The following TIAM1 variants were observed in gnomAD, a reference collection of about 807,000 sequenced individuals.
The protein encoded by TIAM1 is rho guanine nucleotide exchange factor TIAM1.
A neutral mutation model predicts 163.5 loss-of-function variants in TIAM1; 65 were observed. That is an observed-to-expected ratio of 0.40 (90% CI 0.33 to 0.49). TIAM1 has a LOEUF of 0.49. TIAM1 is among the 20% of genes least tolerant of loss of function. The pLI is 0.77. For synonymous variants in TIAM1, 833 were observed against 810.1 expected (o/e 1.03, Z -0.48); for missense variants, 1,789 against 2,044.7 (o/e 0.87, Z 2.41).
chr21:31,306,504 G>A (rs1299965290), intron 2 of TIAM1, among the ~76,000 whole-genome samples: 1 of 152,148 alleles, frequency 6.6e-6, no homozygotes, highest in East Asian at 1.9e-4. Flanking sequence ...TGGCAATGCT[G>A]TCTTAACCAA....
At chr21:31,508,151 C>G (rs1293461402) in intron 1 of TIAM1, among the ~76,000 whole-genome samples, 3 of 152,110 alleles carry the variant, frequency 2.0e-5, no homozygotes, top group African/African-American at 7.2e-5. Flanking sequence ...TTCCTTAGAG[C>G]CTTCAGAGTG....
intron 2 of TIAM1, among the ~76,000 whole-genome samples, chr21:31,433,393 G>T (rs1270895732): frequency 1.3e-5 from 2 of 152,218 alleles, no homozygotes; most frequent in Admixed American, 1.3e-4. Flanking sequence ...AAACTGGGTA[G>T]AAGGAGAATG....
intron 1 of TIAM1, among the ~76,000 whole-genome samples, chr21:31,496,863 G>T (rs11702305): frequency 0.26 from 40,069 of 152,048 alleles, 5,571 homozygotes; most frequent in Admixed American, 0.33. Context: ...GGACTGGGGT[G>T]GGGGGTCGGG....
chr21:31,511,067 T>C (rs1054853948), intron 1 of TIAM1, among the ~76,000 whole-genome samples: 2 of 152,166 alleles, frequency 1.3e-5, no homozygotes, highest in African/African-American at 2.4e-5. Flanking sequence ...GGAAGCACCA[T>C]AAGTTAGGAA....
intron 2 of TIAM1, among the ~76,000 whole-genome samples, chr21:31,430,225 A>AATATATATATAT (rs35708801): frequency 4.4e-5 from 4 of 90,280 alleles, no homozygotes; most frequent in African/African-American, 2.3e-4. Context: ...AAAAAAAAAA[A>AATATATATATAT]ATATATATAT....
At chr21:31,346,019 A>G (rs748952481), upstream of TIAM1, among the ~76,000 whole-genome samples, 8 of 152,028 alleles carry the variant, frequency 5.3e-5, no homozygotes, top group Non-Finnish European at 1.2e-4. Flanking sequence ...CCTTAGTTGG[A>G]GGTGAATTTG....
chr21:31,210,748 G>GAGAAAGAAAGAAAAAGAA (rs1418541174), intron 10 of TIAM1, among the ~76,000 whole-genome samples: 1 of 59,770 alleles, frequency 1.7e-5, no homozygotes, highest in Non-Finnish European at 2.8e-5. Flanking sequence ...GGAAGGAAGG[G>GAGAAAGAAAGAAAAAGAA]AGAAAGAAAG....
intron 16 of TIAM1, chr21:31,160,862 T>A (rs2083881323): frequency 4.9e-6 from 1 of 202,880 alleles, no homozygotes; most frequent in African/African-American, 2.3e-5. Context: ...GAGCTGAAAC[T>A]GGCAAGAAAA....
intron 4 of TIAM1, among the ~76,000 whole-genome samples, chr21:31,265,800 T>C (rs2072726388): frequency 6.6e-6 from 1 of 151,854 alleles, no homozygotes; most frequent in Admixed American, 6.6e-5. Flanking sequence ...CCCACACACT[T>C]CCCTTAATCC....
chr21:31,364,559 T>C (rs1360615808), intron 2 of TIAM1, among the ~76,000 whole-genome samples: 1 of 152,058 alleles, frequency 6.6e-6, no homozygotes, highest in Non-Finnish European at 1.5e-5. Context: ...CAGCCACAGA[T>C]GGAGAGGAAA....
chr21:31,433,423 T>C (rs1478259202), intron 2 of TIAM1, among the ~76,000 whole-genome samples: 4 of 152,224 alleles, frequency 2.6e-5, no homozygotes. Flanking sequence ...ACATCAGTTA[T>C]GCCATTTGCA....
chr21:31,136,616 T>C (rs2082631908), intron 22 of TIAM1, among the ~76,000 whole-genome samples: 1 of 152,218 alleles, frequency 6.6e-6, no homozygotes, highest in Non-Finnish European at 1.5e-5. Context: ...ATTTATTCCA[T>C]GCTTGTCTAC....
chr21:31,388,447 C>G (rs746199628), intron 2 of TIAM1, among the ~76,000 whole-genome samples: 1 of 151,324 alleles, frequency 6.6e-6, no homozygotes, highest in African/African-American at 2.4e-5. Flanking sequence ...TCAAGACCAG[C>G]CTGGGCAATA....
intron 1 of TIAM1, among the ~76,000 whole-genome samples, chr21:31,529,141 G>C (rs58158751): frequency 6.6e-6 from 1 of 151,352 alleles, no homozygotes; most frequent in African/African-American, 2.4e-5. Flanking sequence ...GGATGGTCTC[G>C]ATCTCCTGAC....
chr21:31,236,359 C>G (rs2088757974), intron 6 of TIAM1, among the ~76,000 whole-genome samples: 1 of 152,194 alleles, frequency 6.6e-6, no homozygotes, highest in Admixed American at 6.5e-5. Flanking sequence ...GTAAATATTT[C>G]TACAGTGGCT....
intron 13 of TIAM1, among the ~76,000 whole-genome samples, chr21:31,191,479 T>G (rs2085560593): frequency 1.3e-5 from 2 of 152,096 alleles, no homozygotes; most frequent in African/African-American, 4.8e-5. Flanking sequence ...CAAAGTGAAG[T>G]CAGGGAACAG....
At chr21:31,319,447 C>T (rs2075236102) in intron 2 of TIAM1, among the ~76,000 whole-genome samples, 1 of 152,092 alleles carries the variant, frequency 6.6e-6, no homozygotes, top group South Asian at 2.1e-4. Context: ...AATTTCTCCA[C>T]ATTCCTTCCA....
intron 1 of TIAM1, among the ~76,000 whole-genome samples, chr21:31,497,313 T>C (rs1484042145): frequency 6.6e-6 from 1 of 152,266 alleles, no homozygotes; most frequent in Non-Finnish European, 1.5e-5. Context: ...CTTGCTACTT[T>C]TCTGTAAGTC....
intron 2 of TIAM1, among the ~76,000 whole-genome samples, chr21:31,369,510 T>C (rs967715929): frequency 2.0e-5 from 3 of 152,160 alleles, no homozygotes; most frequent in Admixed American, 1.3e-4. Context: ...ATAGGGTGAC[T>C]ACAGTTAACA....
Sources: allele counts gnomAD v4.1 joint callset (sites outside exome capture counted in the v4.1 genomes callset), GRCh38; gene constraint gnomAD v4.1.1; transcripts MANE v1.5; gene names NCBI Gene and HGNC (gene_info 2026-07-23, HGNC 2026-07-21).